The following LBH variants were observed in gnomAD, a reference collection of about 807,000 sequenced individuals.
LBH encodes LBH regulator of Wnt signaling pathway, also known as protein LBH.
LBH carries 7 observed loss-of-function variants against 12.5 expected under a neutral mutation model. That is an observed-to-expected ratio of 0.56 (90% confidence interval 0.32 to 1.05). The LOEUF is 1.05. Ranked by LOEUF, LBH falls within the 50% of genes least tolerant of loss-of-function variation. The probability of loss-of-function intolerance (pLI) is 0.04; values close to 1 mark genes in which losing one functional copy is unlikely to be tolerated. For synonymous variants in LBH, 51 were observed against 50.1 expected (o/e 1.02, Z -0.08); for missense variants, 119 against 138.9 (o/e 0.86, Z 0.72).
At chr2:30,232,183 G>T in intron 1 of LBH, 2 of 1,386,948 alleles carry the variant, frequency 1.4e-6, no homozygotes, top group Non-Finnish European at 1.9e-6. Flanking sequence ...CAACGTCGAG[G>T]CCGGCAGCAG....
chr2:30,241,221 C>T (rs559820588), intron 2 of LBH, among the ~76,000 whole-genome samples: 72 of 152,298 alleles, frequency 4.7e-4, no homozygotes, highest in African/African-American at 1.7e-3. Flanking sequence ...GTGGTGCCAG[C>T]GCACATCCAC....
In LBH at chr2:30,257,082, T is replaced by C. The variant is rs187601570; in HGVS notation, c.130-351T>C. 2.6e-5 allele frequency among the ~76,000 whole-genome samples: 4 copies of C among 152,372 alleles called. No homozygotes were observed. In the East Asian group the frequency reaches 7.7e-4, roughly 29 times the overall value. Reference sequence around the variant, plus strand: ...TGTACTGCTGGAGTAAAATACTTCCTGCAGAGAGAGACCAGACTTACTGTG... The same window carrying C: ...TGTACTGCTGGAGTAAAATACTTCCCGCAGAGAGAGACCAGACTTACTGTG... On this transcript the variant is annotated intron_variant, in intron 2 of 2. Coordinates refer to ENST00000395323, the MANE Select transcript of LBH (RefSeq NM_030915.4).
At chr2:30,247,951 G>A (rs79326721) in intron 2 of LBH, among the ~76,000 whole-genome samples, 8,068 of 152,180 alleles carry the variant, frequency 0.053, 747 homozygotes, top group African/African-American at 0.18. Context: ...ACTGAAAAAG[G>A]CAAACGACAT....
chr2:30,241,612 A>G (rs2103558396), intron 2 of LBH, among the ~76,000 whole-genome samples: 1 of 151,824 alleles, frequency 6.6e-6, no homozygotes, highest in East Asian at 1.9e-4. Context: ...AACACGTGCC[A>G]CCATGCCGGG....
chr2:30,256,965 A>G (rs36025786), intron 2 of LBH, among the ~76,000 whole-genome samples: 4,418 of 152,312 alleles, frequency 0.029, 98 homozygotes, highest in Middle Eastern at 0.075. Context: ...GTGGGTTGGA[A>G]GTGATATATG....
intron 2 of LBH, among the ~76,000 whole-genome samples, chr2:30,248,784 T>G (rs1417521712): frequency 2.0e-5 from 3 of 152,146 alleles, no homozygotes; most frequent in Non-Finnish European, 4.4e-5. Flanking sequence ...CAGTAGAAAT[T>G]AGTGCAATTA....
intron 2 of LBH, among the ~76,000 whole-genome samples, chr2:30,255,021 C>T (rs1678055928): frequency 6.6e-6 from 1 of 152,254 alleles, no homozygotes; most frequent in Non-Finnish European, 1.5e-5. Flanking sequence ...TTCCAGAAGG[C>T]TCAGGCACTG....
chr2:30,253,326 T>C (rs982978155), intron 2 of LBH, among the ~76,000 whole-genome samples: 2 of 152,186 alleles, frequency 1.3e-5, no homozygotes, highest in Non-Finnish European at 2.9e-5. Context: ...AGGCTTTCTG[T>C]CTGTCTGTAA....
intron 2 of LBH, among the ~76,000 whole-genome samples, chr2:30,248,350 A>C (rs2103560973): frequency 6.6e-6 from 1 of 152,178 alleles, no homozygotes; most frequent in South Asian, 2.1e-4. Context: ...GCCGTGGGGC[A>C]GGGCTGCAAG....
intron 2 of LBH, among the ~76,000 whole-genome samples, chr2:30,254,232 T>C (rs1026679610): frequency 1.3e-5 from 2 of 152,206 alleles, no homozygotes; most frequent in South Asian, 2.1e-4. Flanking sequence ...TTAGACTCAA[T>C]GTGAGATTAA....
chr2:30,247,437 C>T (rs1677894203), intron 2 of LBH, among the ~76,000 whole-genome samples: 1 of 152,196 alleles, frequency 6.6e-6, no homozygotes, highest in African/African-American at 2.4e-5. Context: ...CACTTGAAAG[C>T]TCTATTTTTA....
rs1197872934 is a variant in LBH, at chr2:30,257,599, C to T, written c.296C>T (p.Ala99Val). ...GAGCAAGATAACTGCGAAGAGACAGCGAAAGAAAATAAAGAGCAGTAGAGT... is the reference window on the plus strand; with the variant it reads ...GAGCAAGATAACTGCGAAGAGACAGTGAAAGAAAATAAAGAGCAGTAGAGT... Reference protein sequence around the residue: ...EDEQDNCEETAKENKEQ With the variant: ...EDEQDNCEETVKENKEQ Residue 99 changes from alanine (A) to valine (V), a missense_variant, in exon 3 of 3, where the codon GCG becomes GTG. Physicochemically the swap from Ala to Val is moderately conservative, Grantham distance 64. Transcript: ENST00000395323. The T allele has an allele frequency of 9.9e-6, 16 of 1,612,506 alleles. No individual in the cohort carries two copies. Among genetic ancestry groups the T allele is most frequent in the Non-Finnish European group, 1.2e-5 (14 of 1,179,286 alleles).
chr2:30,259,898 G>A lies in LBH; in HGVS notation c.*2277G>A, dbSNP rs1157404815. 2 of 152,092 alleles carry A rather than the reference G, an allele frequency of 1.3e-5. No individual in the cohort carries two copies. The highest frequency in any genetic ancestry group is 4.8e-5 in the African/African-American group (2 of 41,248). The allele number at this position is 152,092 out of a possible 1,614,324, so 9.4% of individuals were successfully genotyped here. On this transcript the variant is annotated 3_prime_UTR_variant, in exon 3 of 3. Coordinates refer to ENST00000395323, the MANE Select transcript of LBH (RefSeq NM_030915.4). ...TCCTAGTATTTCAGTAAAAATGCCT[G>A]TTGTGAGATGAACCTCCTGTAACTT...
intron 2 of LBH, among the ~76,000 whole-genome samples, chr2:30,254,618 C>T (rs557269860): frequency 6.6e-6 from 1 of 152,066 alleles, no homozygotes; most frequent in South Asian, 2.1e-4. Flanking sequence ...CTCCTCCTCC[C>T]CCTCCCCCCC....
chr2:30,240,321 T>C (rs530118869), intron 2 of LBH, among the ~76,000 whole-genome samples: 1 of 152,312 alleles, frequency 6.6e-6, no homozygotes, highest in Admixed American at 6.5e-5. Context: ...ATGGTACTGT[T>C]AGGGAAAGGG....
At position 30,234,508 on chromosome 2, in the gene LBH, G is replaced by A. The variant is rs988423868; in HGVS notation, c.129+1G>A. On this transcript the variant is annotated splice_donor_variant, in intron 2 of 2. Coordinates refer to ENST00000395323, the MANE Select transcript of LBH (RefSeq NM_030915.4). LOFTEE classifies it high-confidence loss of function. ...CCGCAAGGATGGCCTTTCCTACCAGGTGAGTAAGTCCTGGCTCCCCTCTGA... is the reference window on the plus strand; with the variant it reads ...CCGCAAGGATGGCCTTTCCTACCAGATGAGTAAGTCCTGGCTCCCCTCTGA... The A allele has an allele frequency of 3.1e-6, 5 of 1,608,962 alleles. No homozygotes were observed. Among genetic ancestry groups the A allele is most frequent in the Non-Finnish European group, 4.3e-6 (5 of 1,175,416 alleles).
intron 2 of LBH, among the ~76,000 whole-genome samples, chr2:30,255,244 G>A (rs1190725915): frequency 6.6e-6 from 1 of 152,222 alleles, no homozygotes; most frequent in East Asian, 1.9e-4. Context: ...CCCATGGGGG[G>A]CTCTGGCCCC....
rs780233808 is a variant in LBH, at chr2:30,257,916, C to CT, written c.*295_*296insT. 3.3e-4 allele frequency: 81 copies of CT among 247,216 alleles called. No homozygotes were observed. Among genetic ancestry groups the CT allele is most frequent in the Non-Finnish European group, 2.0e-4 (26 of 129,692 alleles). The allele number at this position is 247,216 out of a possible 1,614,324, so 15.3% of individuals were successfully genotyped here. A position where few individuals can be genotyped will look rare whatever the true frequency, so the allele number is the denominator to read the frequency against. ...GGGGAGCGAGTGCTGTTTTTGAGATCATTATCTGAACTCAGGCAGCCTAGT... is the reference window on the plus strand; with the variant it reads ...GGGGAGCGAGTGCTGTTTTTGAGATCTATTATCTGAACTCAGGCAGCCTAGT... On this transcript the variant is annotated 3_prime_UTR_variant, in exon 3 of 3. Coordinates refer to ENST00000395323, the MANE Select transcript of LBH (RefSeq NM_030915.4).
At chr2:30,232,204 C>G in intron 1 of LBH, 2 of 1,522,864 alleles carry the variant, frequency 1.3e-6, no homozygotes, top group South Asian at 1.2e-5. Context: ...CGGGGCTGAG[C>G]TGGTGCGGCC....
Sources: gnomAD v4.1 joint callset for allele counts (sites outside exome capture counted in the v4.1 genomes callset) on GRCh38, gnomAD v4.1.1 for gene constraint, MANE v1.5 for transcripts, NCBI Gene and HGNC (gene_info 2026-07-23, HGNC 2026-07-21) for gene names.